Variants in CNKSR3 observed in about 807,000 individuals in gnomAD.
The protein encoded by CNKSR3 is connector enhancer of kinase suppressor of ras 3.
CNKSR3 carries 36 observed loss-of-function variants against 67.7 expected under a neutral mutation model. The observed-to-expected ratio is 0.53, with a 90% CI of 0.41 to 0.70. The LOEUF (loss-of-function observed/expected upper bound fraction) is 0.70, where lower values mean the gene tolerates loss of function less well. Among genes scored for constraint, CNKSR3 ranks in the 30% least tolerant of loss-of-function variants. CNKSR3 has a pLI of 0.00. For missense variants in CNKSR3, 630 were observed against 695.2 expected, an observed-to-expected ratio of 0.91 and a Z score of 1.05; for synonymous variants, 281 against 271.4, an observed-to-expected ratio of 1.04 and a Z score of -0.35.
chr6:154,485,654 G>A (rs975718185), intron 1 of CNKSR3, among the ~76,000 whole-genome samples: 2 of 152,148 alleles, frequency 1.3e-5, no homozygotes, highest in Admixed American at 6.5e-5. Flanking sequence ...CCTGCAAGGC[G>A]CCTCTTTGAC....
intron 1 of CNKSR3, among the ~76,000 whole-genome samples, chr6:154,484,670 C>A (rs1786629702): frequency 6.8e-6 from 1 of 147,146 alleles, no homozygotes; most frequent in Non-Finnish European, 1.5e-5. Context: ...TCATTGCACT[C>A]CAGCCTGGGC....
At chr6:154,500,478 T>C (rs1354531039) in intron 1 of CNKSR3, among the ~76,000 whole-genome samples, 1 of 152,182 alleles carries the variant, frequency 6.6e-6, no homozygotes, top group Admixed American at 6.6e-5. Flanking sequence ...TGTCTCCTTT[T>C]GGGGGACTCA....
intron 9 of CNKSR3, among the ~76,000 whole-genome samples, chr6:154,422,056 G>C: frequency 6.8e-6 from 1 of 146,538 alleles, no homozygotes; most frequent in East Asian, 2.0e-4. Context: ...GCAATGGCAC[G>C]ATCTTGGCTC....
chr6:154,480,743 T>C (rs1313911502), intron 1 of CNKSR3, among the ~76,000 whole-genome samples: 1 of 152,170 alleles, frequency 6.6e-6, no homozygotes, highest in Non-Finnish European at 1.5e-5. Context: ...TATAATCCCA[T>C]AAAGCCCAGT....
intron 4 of CNKSR3, among the ~76,000 whole-genome samples, chr6:154,435,959 A>G (rs1785463119): frequency 6.6e-6 from 1 of 152,028 alleles, no homozygotes; most frequent in African/African-American, 2.4e-5. Context: ...ACCTGCTGAG[A>G]ATTCGGTGTG....
chr6:154,495,509 T>C (rs1324227872), intron 1 of CNKSR3, among the ~76,000 whole-genome samples: 1 of 151,690 alleles, frequency 6.6e-6, no homozygotes, highest in African/African-American at 2.4e-5. Context: ...ACTGGGACTA[T>C]AGGTGTGCAC....
chr6:154,498,199 A>T (rs1054529140), intron 1 of CNKSR3, among the ~76,000 whole-genome samples: 2 of 152,218 alleles, frequency 1.3e-5, no homozygotes, highest in Non-Finnish European at 2.9e-5. Flanking sequence ...ATTATACATT[A>T]AAAAAGTTTA....
At chr6:154,413,372 G>C (rs907801324) in intron 10 of CNKSR3, among the ~76,000 whole-genome samples, 2 of 152,016 alleles carry the variant, frequency 1.3e-5, no homozygotes, top group African/African-American at 4.8e-5. Flanking sequence ...TAGGACCACG[G>C]GTGCACACAA....
chr6:154,466,949 G>C (rs529265037), intron 1 of CNKSR3, among the ~76,000 whole-genome samples: 90 of 152,104 alleles, frequency 5.9e-4, no homozygotes, highest in African/African-American at 2.2e-3. Context: ...AGAAGAAAAT[G>C]TGGGAGTACC....
At chr6:154,495,772 C>G (rs1786864705) in intron 1 of CNKSR3, among the ~76,000 whole-genome samples, 1 of 152,128 alleles carries the variant, frequency 6.6e-6, no homozygotes, top group South Asian at 2.1e-4. Context: ...TATTCAGACC[C>G]TGCCAGGGCG....
At chr6:154,461,131 C>T (rs920206844) in intron 1 of CNKSR3, among the ~76,000 whole-genome samples, 2 of 152,160 alleles carry the variant, frequency 1.3e-5, no homozygotes, top group Admixed American at 1.3e-4. Context: ...CTCATGGATC[C>T]CTGCAGTGAC....
Position 154,494,368 on chromosome 6 carries a change from C to T in CNKSR3, c.52+15695G>A, listed in dbSNP as rs572097254. 3.6e-3 allele frequency among the ~76,000 whole-genome samples: 543 copies of T among 152,242 alleles called. 8 individuals are homozygous for T. The highest frequency in any genetic ancestry group is 6.5e-3 in the Non-Finnish European group (440 of 68,018). On this transcript the variant is annotated intron_variant, in intron 1 of 12. Transcript: ENST00000607772. ...TTCAATAACCTCTCACCAGGGCCCT[C>T]CCATGACACGTGGGGATTATGGGAA...
chr6:154,446,360 C>T (rs1277140756), intron 2 of CNKSR3, among the ~76,000 whole-genome samples: 1 of 152,186 alleles, frequency 6.6e-6, no homozygotes, highest in Non-Finnish European at 1.5e-5. Context: ...GTGCCAGAGA[C>T]ACAAAATCAA....
chr6:154,510,116 G>A lies in CNKSR3; in HGVS notation c.-2C>T. 1.9e-6 allele frequency: 3 copies of A among 1,614,120 alleles called. No homozygotes were observed. The highest frequency in any genetic ancestry group is 1.7e-6 in the Non-Finnish European group (2 of 1,180,008). ...GCTCCACTTGGTCACGGGTTCCATG[G>A]TAAACCGCTTCGCCTCTCGCTGGGC... On this transcript the variant is annotated 5_prime_UTR_variant, in exon 1 of 13. Transcript: ENST00000607772.
chr6:154,409,080 T>A (rs1162729652), intron 12 of CNKSR3, among the ~76,000 whole-genome samples: 2 of 152,180 alleles, frequency 1.3e-5, no homozygotes, highest in Non-Finnish European at 2.9e-5. Context: ...ACTAAGGGGA[T>A]CCTGAATGGT....
chr6:154,471,244 C>A (rs1037289284), intron 1 of CNKSR3, among the ~76,000 whole-genome samples: 1 of 152,132 alleles, frequency 6.6e-6, no homozygotes, highest in African/African-American at 2.4e-5. Flanking sequence ...TAAGTCACTG[C>A]TATAAATATG....
chr6:154,452,548 C>A (rs1315075186), intron 1 of CNKSR3, among the ~76,000 whole-genome samples: 1 of 152,214 alleles, frequency 6.6e-6, no homozygotes, highest in African/African-American at 2.4e-5. Context: ...CTTCCCTAGC[C>A]TACTTTTAAG....
intron 7 of CNKSR3, among the ~76,000 whole-genome samples, chr6:154,427,369 A>T (rs1430176318): frequency 1.3e-5 from 2 of 152,236 alleles, no homozygotes; most frequent in Non-Finnish European, 2.9e-5. Flanking sequence ...GTCTTAGCTG[A>T]TTAAATAGGT....
intron 1 of CNKSR3, among the ~76,000 whole-genome samples, chr6:154,495,782 G>A (rs551523525): frequency 7.9e-5 from 12 of 152,068 alleles, no homozygotes; most frequent in East Asian, 7.7e-4. Flanking sequence ...CTGCCAGGGC[G>A]CAGAGTACTC....
Sources: allele counts gnomAD v4.1 joint callset (sites outside exome capture counted in the v4.1 genomes callset), GRCh38; gene constraint gnomAD v4.1.1; transcripts MANE v1.5; gene names NCBI Gene and HGNC (gene_info 2026-07-23, HGNC 2026-07-21).